SYT1: variants seen among roughly 807,000 people sequenced by gnomAD.
SYT1 encodes synaptotagmin-1.
Under a neutral mutation model 44.8 loss-of-function variants are expected in SYT1, and 8 were observed. The ratio of observed to expected loss-of-function variants is 0.18; its 90% CI spans 0.10 to 0.32. The LOEUF (loss-of-function observed/expected upper bound fraction) is 0.32. SYT1 is among the 10% of genes least tolerant of loss of function. The pLI, the probability that SYT1 is intolerant of heterozygous loss-of-function variation, is 1.00. For synonymous variants in SYT1, 154 were observed against 188.8 expected (o/e 0.82, Z 1.51); for missense variants, 286 against 509.3 (o/e 0.56, Z 4.22).
intron 1 of SYT1, among the ~76,000 whole-genome samples, chr12:78,898,269 C>T (rs1043404037): frequency 2.0e-5 from 3 of 151,960 alleles, no homozygotes; most frequent in Non-Finnish European, 4.4e-5. Context: ...ACTCTTGGAA[C>T]GATGCCTGGC....
intron 1 of SYT1, among the ~76,000 whole-genome samples, chr12:78,957,464 T>C (rs1879271856): frequency 6.6e-6 from 1 of 152,196 alleles, no homozygotes; most frequent in African/African-American, 2.4e-5. Context: ...TTAAGCATAA[T>C]ACTTACATTA....
At chr12:78,904,330 C>T (rs1317802322) in intron 1 of SYT1, among the ~76,000 whole-genome samples, 1 of 152,062 alleles carries the variant, frequency 6.6e-6, no homozygotes, top group African/African-American at 2.4e-5. Flanking sequence ...TAATGGAAAG[C>T]TTAGATACAT....
chr12:79,064,926 G>GAGAAAGAAAGAAAGAAAGAA (rs200335076), intron 3 of SYT1, among the ~76,000 whole-genome samples: 29 of 111,526 alleles, frequency 2.6e-4, no homozygotes, highest in East Asian at 8.5e-4. Context: ...AAAAAATAGA[G>GAGAAAGAAAGAAAGAAAGAA]AGAAAGAAAG....
intron 3 of SYT1, among the ~76,000 whole-genome samples, chr12:79,059,352 T>G (rs1253863761): frequency 3.3e-5 from 5 of 152,108 alleles, no homozygotes; most frequent in Admixed American, 6.6e-5. Context: ...TTTTCTAAAA[T>G]GTAAAAGTAA....
chr12:79,065,816 A>T (rs2137872894), intron 3 of SYT1, among the ~76,000 whole-genome samples: 1 of 152,220 alleles, frequency 6.6e-6, no homozygotes, highest in South Asian at 2.1e-4. Context: ...ATACTGTGTG[A>T]ATTGGTTTGA....
chr12:79,273,258 G>C (rs1565885445), intron 4 of SYT1, among the ~76,000 whole-genome samples: 3 of 151,706 alleles, frequency 2.0e-5, no homozygotes, highest in African/African-American at 7.3e-5. Flanking sequence ...TGGGACCACA[G>C]GTATGCACAA....
At chr12:79,291,958 GT>G in intron 5 of SYT1, 49 bp from the exon 6 acceptor site, 1 of 1,610,604 alleles carries the variant, frequency 6.2e-7, no homozygotes, top group Non-Finnish European at 8.5e-7. Flanking sequence ...TTCAATTTGA[GT>G]TTTGATGAAA....
chr12:79,043,431 A>C (rs1401315562), intron 2 of SYT1, among the ~76,000 whole-genome samples: 1 of 147,382 alleles, frequency 6.8e-6, no homozygotes, highest in Non-Finnish European at 1.5e-5. Context: ...CTGTTTTATC[A>C]GAGACTAGGA....
At chr12:79,412,806 T>C (rs1446100850) in intron 9 of SYT1, among the ~76,000 whole-genome samples, 3 of 152,162 alleles carry the variant, frequency 2.0e-5, no homozygotes, top group Non-Finnish European at 4.4e-5. Context: ...TTTACATTGT[T>C]ACCCTACTAT....
intron 3 of SYT1, among the ~76,000 whole-genome samples, chr12:79,215,248 T>C (rs1031512171): frequency 4.6e-5 from 7 of 152,108 alleles, no homozygotes; most frequent in African/African-American, 1.7e-4. Context: ...AATCAATTGA[T>C]TGATCCACTG....
At chr12:78,968,968 A>C (rs1233962822) in intron 1 of SYT1, among the ~76,000 whole-genome samples, 2 of 152,224 alleles carry the variant, frequency 1.3e-5, no homozygotes, top group Admixed American at 1.3e-4. Flanking sequence ...ATAATCATGT[A>C]GTGATAAGTG....
chr12:79,292,292 C>A (rs1879625217), intron 6 of SYT1, among the ~76,000 whole-genome samples, 162 bp downstream of exon 6: 1 of 152,228 alleles, frequency 6.6e-6, no homozygotes, highest in Non-Finnish European at 1.5e-5. Flanking sequence ...CAGTCCCCTA[C>A]TTGCTAATTT....
intron 9 of SYT1, among the ~76,000 whole-genome samples, chr12:79,441,445 G>T (rs1163340729): frequency 6.6e-6 from 1 of 152,050 alleles, no homozygotes; most frequent in African/African-American, 2.4e-5. Context: ...CTTTGGAGTA[G>T]CTGGGATCAC....
intron 9 of SYT1, among the ~76,000 whole-genome samples, chr12:79,425,802 A>C (rs1205237364): frequency 6.6e-6 from 1 of 152,132 alleles, no homozygotes; most frequent in African/African-American, 2.4e-5. Context: ...CATCTAACAC[A>C]GTTGTATAGG....
intron 4 of SYT1, among the ~76,000 whole-genome samples, chr12:79,284,041 T>C (rs1565890030): frequency 6.6e-6 from 1 of 152,078 alleles, no homozygotes; most frequent in Non-Finnish European, 1.5e-5. Context: ...TGTTCAGCAA[T>C]CATTGGTTCT....
At chr12:79,350,513 A>G (rs1882852117) in intron 8 of SYT1, among the ~76,000 whole-genome samples, 1 of 152,018 alleles carries the variant, frequency 6.6e-6, no homozygotes, top group African/African-American at 2.4e-5. Context: ...CGGACTCCCA[A>G]AGAGCTGGGA....
intron 8 of SYT1, among the ~76,000 whole-genome samples, chr12:79,341,022 C>T (rs1454451472): frequency 1.3e-5 from 2 of 152,136 alleles, no homozygotes; most frequent in Non-Finnish European, 2.9e-5. Flanking sequence ...TTCATGCCAG[C>T]ATTGAAAAAG....
At chr12:79,425,630 A>AC (rs1195933382) in intron 9 of SYT1, among the ~76,000 whole-genome samples, 2 of 152,094 alleles carry the variant, frequency 1.3e-5, no homozygotes, top group Non-Finnish European at 2.9e-5. Context: ...AGTGTGAAAA[A>AC]ATTTTCTTCA....
At chr12:79,075,056 A>G (rs746303498) in intron 3 of SYT1, among the ~76,000 whole-genome samples, 2 of 152,220 alleles carry the variant, frequency 1.3e-5, no homozygotes, top group Non-Finnish European at 2.9e-5. Context: ...CACATATTGT[A>G]TAACACTTCC....
Sources: allele counts gnomAD v4.1 joint callset (sites outside exome capture counted in the v4.1 genomes callset), GRCh38; gene constraint gnomAD v4.1.1; transcripts MANE v1.5; gene names NCBI Gene and HGNC (gene_info 2026-07-23, HGNC 2026-07-21).